The following CAPN9 variants were observed in gnomAD, a reference collection of about 807,000 sequenced individuals.
CAPN9 encodes calpain 9.
Under a neutral mutation model 92.8 loss-of-function variants are expected in CAPN9, and 81 were observed. That is an observed-to-expected ratio of 0.87 (90% CI 0.73 to 1.05). CAPN9 has a LOEUF of 1.05. Among genes scored for constraint, CAPN9 ranks in the 50% least tolerant of loss-of-function variants. The pLI, the probability that CAPN9 is intolerant of heterozygous loss-of-function variation, is 0.00. For missense variants in CAPN9, 848 were observed against 866.2 expected, an observed-to-expected ratio of 0.98 and a Z score of 0.26; for synonymous variants, 304 against 328.0, an observed-to-expected ratio of 0.93 and a Z score of 0.79.
intron 1 of CAPN9, among the ~76,000 whole-genome samples, chr1:230,750,689 C>G (rs1222459056): frequency 6.6e-6 from 1 of 152,162 alleles, no homozygotes. Flanking sequence ...GACGGCCCTC[C>G]TCCTCAGCAC....
At chr1:230,788,363 C>T (rs759507661) in intron 13 of CAPN9, among the ~76,000 whole-genome samples, 8 of 152,200 alleles carry the variant, frequency 5.3e-5, no homozygotes, top group Non-Finnish European at 1.2e-4. Context: ...CTGGATGGAG[C>T]CTCACACAGA....
At chr1:230,772,203 G>A in intron 7 of CAPN9, 104 bp downstream of exon 7, 1 of 948,148 alleles carries the variant, frequency 1.1e-6, no homozygotes, top group Non-Finnish European at 1.7e-6. Flanking sequence ...TATCCTCCCG[G>A]GCTCTGACTC....
intron 2 of CAPN9, 50 bp from the exon 3 acceptor site, chr1:230,759,462 T>C: frequency 7.6e-7 from 1 of 1,322,530 alleles, no homozygotes; most frequent in Non-Finnish European, 1.1e-6. Context: ...GTTTTCCTAT[T>C]TGCTGTGAAA....
At chr1:230,791,737 T>A (rs1572088300) in intron 14 of CAPN9, 127 bp from the exon 15 acceptor site, 1 of 657,578 alleles carries the variant, frequency 1.5e-6, no homozygotes, top group Non-Finnish European at 2.7e-6. Flanking sequence ...ACCAGCATCA[T>A]AAGAGAGTAG....
At position 230,780,199 on chromosome 1, in the gene CAPN9, C is replaced by A. The variant is rs776135067; in HGVS notation, c.1135C>A (p.Gln379Lys). Residue 379 changes from glutamine (Q) to lysine (K), a missense_variant, in exon 10 of 20, where the codon CAA becomes AAA. Physicochemically the swap from Gln to Lys is moderately conservative, Grantham distance 53 (BLOSUM62 1). Transcript: ENST00000271971. Reference sequence around the variant, plus strand: ...GACAGATACCTTTTGGACCAATCCACAAATAAAATTGTCTCTGACTGAGAA... The same window carrying A: ...GACAGATACCTTTTGGACCAATCCAAAAATAAAATTGTCTCTGACTGAGAA... ...NFLDTFWTNP[Q>K]IKLSLTEKDE... The A allele has an allele frequency of 6.2e-7, 1 of 1,613,496 alleles. No homozygotes were observed. Among genetic ancestry groups the A allele is most frequent in the South Asian group, 1.1e-5 (1 of 90,998 alleles).
chr1:230,783,029 GT>G (rs1253328323), intron 11 of CAPN9, among the ~76,000 whole-genome samples: 2 of 151,968 alleles, frequency 1.3e-5, no homozygotes, highest in Non-Finnish European at 2.9e-5. Flanking sequence ...AAAAATGGTG[GT>G]TTTTTTGGTT....
chr1:230,784,134 T>C (rs984650810), intron 11 of CAPN9, among the ~76,000 whole-genome samples: 6 of 152,168 alleles, frequency 3.9e-5, no homozygotes, highest in African/African-American at 1.4e-4. Context: ...TAACAACCTA[T>C]ACTCAGATAT....
chr1:230,795,128 C>A, intron 17 of CAPN9, 35 bp from the exon 18 acceptor site: 1 of 1,365,056 alleles, frequency 7.3e-7, no homozygotes, highest in Non-Finnish European at 1.0e-6. Context: ...GGCTCGGATA[C>A]AGCGAGTCCT....
intron 4 of CAPN9, among the ~76,000 whole-genome samples, chr1:230,767,007 G>A (rs1240568049): frequency 6.6e-6 from 1 of 152,102 alleles, no homozygotes; most frequent in African/African-American, 2.4e-5. Context: ...ATCAAGCAGA[G>A]CACATATATG....
chr1:230,770,975 C>T (rs1400393421), intron 6 of CAPN9, among the ~76,000 whole-genome samples: 2 of 152,206 alleles, frequency 1.3e-5, no homozygotes, highest in African/African-American at 4.8e-5. Context: ...TTTGTGTTGG[C>T]TCCTTTGTCC....
intron 4 of CAPN9, among the ~76,000 whole-genome samples, chr1:230,766,833 T>A (rs1572034412): frequency 6.6e-6 from 1 of 152,134 alleles, no homozygotes. Flanking sequence ...ACATGGATGG[T>A]GGCAGGCAAA....
chr1:230,793,289 C>A (rs1668131506), intron 17 of CAPN9, among the ~76,000 whole-genome samples: 1 of 152,228 alleles, frequency 6.6e-6, no homozygotes, highest in African/African-American at 2.4e-5. Flanking sequence ...CCAAACTTCT[C>A]ATTTCTGCTC....
intron 13 of CAPN9, 41 bp from the exon 14 acceptor site, chr1:230,790,091 G>C: frequency 1.3e-6 from 2 of 1,518,800 alleles, no homozygotes; most frequent in Non-Finnish European, 1.8e-6. Flanking sequence ...ATAAAAGAAG[G>C]TGCCAAGGGC....
At chr1:230,781,088 C>T (rs1190042661) in intron 11 of CAPN9, among the ~76,000 whole-genome samples, 10 of 152,092 alleles carry the variant, frequency 6.6e-5, no homozygotes, top group Admixed American at 5.2e-4. Context: ...AGGCTGGTCT[C>T]GAACTCCTGA....
chr1:230,765,143 C>A (rs1029879583), intron 4 of CAPN9, among the ~76,000 whole-genome samples: 3 of 151,142 alleles, frequency 2.0e-5, no homozygotes, highest in Admixed American at 6.6e-5. Flanking sequence ...TATACACATA[C>A]ATATATACAT....
At chr1:230,795,992 A>G (rs11122604) in intron 18 of CAPN9, among the ~76,000 whole-genome samples, 25,330 of 149,474 alleles carry the variant, frequency 0.17, 3,053 homozygotes, top group African/African-American at 0.33. Context: ...TTTCTAATCT[A>G]TGTTCCATAG....
intron 5 of CAPN9, 44 bp downstream of exon 5, chr1:230,767,753 T>C: frequency 6.4e-7 from 1 of 1,551,856 alleles, no homozygotes; most frequent in South Asian, 1.1e-5. Context: ...ATGCTGGGGC[T>C]GCATAGTGCA....
intron 11 of CAPN9, among the ~76,000 whole-genome samples, chr1:230,780,923 T>A (rs987843626): frequency 1.3e-5 from 2 of 151,980 alleles, no homozygotes; most frequent in African/African-American, 2.4e-5. Flanking sequence ...TGGAGTGCAA[T>A]GGTGCCATCT....
intron 11 of CAPN9, among the ~76,000 whole-genome samples, chr1:230,785,363 G>T (rs1667512101): frequency 6.6e-6 from 1 of 152,184 alleles, no homozygotes; most frequent in Admixed American, 6.5e-5. Context: ...ATAGCAGAAT[G>T]ATAGAGTTTG....
Sources: gnomAD v4.1 joint callset for allele counts (sites outside exome capture counted in the v4.1 genomes callset) on GRCh38, gnomAD v4.1.1 for gene constraint, MANE v1.5 for transcripts, NCBI Gene and HGNC (gene_info 2026-07-23, HGNC 2026-07-21) for gene names.